The following ZNF420 variants were observed in gnomAD, a reference collection of about 807,000 sequenced individuals.
The protein encoded by ZNF420 is ATM and p53-associated KZNF protein.
A neutral mutation model predicts 44.7 loss-of-function variants in ZNF420; 31 were observed. The observed-to-expected ratio is 0.69, with a 90% confidence interval of 0.52 to 0.94. The LOEUF is 0.94. ZNF420 is among the 40% of genes least tolerant of loss of function. The pLI is 0.00. For synonymous variants in ZNF420, 245 were observed against 267.4 expected (o/e 0.92, Z 0.82); for missense variants, 681 against 827.9 (o/e 0.82, Z 2.18).
chr19:37,120,379 A>T (rs1348354609), intron 4 of ZNF420, among the ~76,000 whole-genome samples: 1 of 149,238 alleles, frequency 6.7e-6, no homozygotes, highest in African/African-American at 2.5e-5. Context: ...AAACCACATG[A>T]TTATCTCAAT....
Position 37,091,131 on chromosome 19 carries a change from C to A in ZNF420, c.136+10C>A. ...AACTTGGTATCACTAGGTAAGGAAT[C>A]TAGCCTTCATATTTCAGGATCTACC... On this transcript the variant is annotated intron_variant, in intron 4 of 4. Transcript: ENST00000337995. 6.4e-7 allele frequency: 1 copy of A among 1,558,170 alleles called. No individual in the cohort carries two copies.
upstream of ZNF420, among the ~76,000 whole-genome samples, chr19:37,077,694 A>G (rs1184111375): frequency 1.3e-5 from 2 of 152,172 alleles, no homozygotes; most frequent in Non-Finnish European, 2.9e-5. Context: ...CCTTACAGAC[A>G]CTGAAATACA....
At chr19:37,104,818 CTGTT>C (rs1001684444) in intron 4 of ZNF420, among the ~76,000 whole-genome samples, 82 of 152,256 alleles carry the variant, frequency 5.4e-4, no homozygotes, top group African/African-American at 1.9e-3. Context: ...TGAGAAGTGT[CTGTT>C]CATATCCTTT....
chr19:37,054,085 C>A (rs1967695983), intron 1 of ZNF420, among the ~76,000 whole-genome samples: 1 of 152,204 alleles, frequency 6.6e-6, no homozygotes, highest in Non-Finnish European at 1.5e-5. Context: ...AGCCTCGCCG[C>A]CCCCTTGCAG....
intron 1 of ZNF420, among the ~76,000 whole-genome samples, chr19:37,022,934 G>A (rs2074660537): frequency 6.6e-6 from 1 of 152,094 alleles, no homozygotes; most frequent in South Asian, 2.1e-4. Flanking sequence ...TCAGGCGTTC[G>A]AGACAAGCCT....
intron 1 of ZNF420, among the ~76,000 whole-genome samples, chr19:37,025,882 C>T (rs1424324571): frequency 6.9e-6 from 1 of 144,264 alleles, no homozygotes; most frequent in Non-Finnish European, 1.5e-5. Context: ...GCTCAGCAAT[C>T]CTCCTGCCTC....
At chr19:37,098,398 C>T (rs959467301) in intron 4 of ZNF420, among the ~76,000 whole-genome samples, 2 of 152,126 alleles carry the variant, frequency 1.3e-5, no homozygotes, top group African/African-American at 4.8e-5. Flanking sequence ...TTTAGGAGCA[C>T]AGACACTGAG....
Position 37,078,467 on chromosome 19 carries a change from G to A in ZNF420, c.-228G>A, listed in dbSNP as rs1315004333. 1 of 152,322 alleles carries A rather than the reference G, an allele frequency of 6.6e-6. No homozygotes were observed. Among genetic ancestry groups the A allele is most frequent in the African/African-American group, 2.4e-5 (1 of 41,470 alleles). 9.4% of individuals were successfully genotyped at this position (152,322 alleles called of 1,614,324 possible). ...AGGCCTCGCGTGGGGAGAGGGCCGCGTCTGTGGAGGAGCTTGGCTCCGCAC... is the reference window on the plus strand; with the variant it reads ...AGGCCTCGCGTGGGGAGAGGGCCGCATCTGTGGAGGAGCTTGGCTCCGCAC... On this transcript the variant is annotated 5_prime_UTR_variant, in exon 1 of 5. Transcript: ENST00000337995.
chr19:37,103,456 G>A (rs1054876538), intron 4 of ZNF420, among the ~76,000 whole-genome samples: 1 of 152,010 alleles, frequency 6.6e-6, no homozygotes, highest in South Asian at 2.1e-4. Flanking sequence ...ATGTCTGCTA[G>A]TTTTTGTTTA....
chr19:37,125,498 T>A (rs780155203), intron 4 of ZNF420, among the ~76,000 whole-genome samples: 2 of 152,198 alleles, frequency 1.3e-5, no homozygotes, highest in African/African-American at 2.4e-5. Context: ...CATGTACCAC[T>A]AGGGTGGTAT....
At chr19:37,105,235 G>A (rs558458761) in intron 4 of ZNF420, among the ~76,000 whole-genome samples, 2 of 152,280 alleles carry the variant, frequency 1.3e-5, no homozygotes, top group South Asian at 4.2e-4. Flanking sequence ...AGTTTTCCCA[G>A]CACCATTTAT....
rs537548673 is a variant in ZNF420, at chr19:37,101,289, G to C, written c.136+10168G>C. 1.5e-4 allele frequency among the ~76,000 whole-genome samples: 23 copies of C among 152,310 alleles called. No homozygotes were observed. In the South Asian group the frequency reaches 4.8e-3, roughly 32 times the overall value. ...GCGGGTGGATCACCTGAGGTCAGGA[G>C]TTCAAGACCAGCCTGACCAATATGG... On this transcript the variant is annotated intron_variant, in intron 4 of 4. Coordinates refer to ENST00000337995, the MANE Select transcript of ZNF420 (RefSeq NM_144689.5).
chr19:37,095,760 A>C (rs1295625954), intron 4 of ZNF420, among the ~76,000 whole-genome samples: 1 of 151,970 alleles, frequency 6.6e-6, no homozygotes, highest in Non-Finnish European at 1.5e-5. Flanking sequence ...AGCCAAGCCC[A>C]GCTTATTTTT....
chr19:37,050,256 G>A (rs1227629356), intron 1 of ZNF420, among the ~76,000 whole-genome samples: 2 of 152,148 alleles, frequency 1.3e-5, no homozygotes, highest in Non-Finnish European at 2.9e-5. Flanking sequence ...TGTGAAAAAA[G>A]TCATTGGTGG....
At chr19:37,029,593 G>A (rs1258081279) in intron 1 of ZNF420, among the ~76,000 whole-genome samples, 1 of 150,308 alleles carries the variant, frequency 6.7e-6, no homozygotes, top group East Asian at 2.0e-4. Context: ...TGTCACCCAG[G>A]CTGGAGTGCA....
At chr19:37,074,677 G>A (rs73625237), upstream of ZNF420, among the ~76,000 whole-genome samples, 1,398 of 152,136 alleles carry the variant, frequency 9.2e-3, 24 homozygotes, top group African/African-American at 0.032. Context: ...TCATGATATC[G>A]AGGTTATGCA....
intron 1 of ZNF420, among the ~76,000 whole-genome samples, chr19:37,047,358 A>G (rs1443643705): frequency 6.6e-6 from 1 of 152,182 alleles, no homozygotes; most frequent in Non-Finnish European, 1.5e-5. Flanking sequence ...TCCTTCTGCC[A>G]TGTGAGGACA....
At chr19:37,119,113 A>C (rs1339898805) in intron 4 of ZNF420, among the ~76,000 whole-genome samples, 1 of 152,178 alleles carries the variant, frequency 6.6e-6, no homozygotes, top group Non-Finnish European at 1.5e-5. Context: ...CTCTGCACCA[A>C]GCGGACCTAA....
chr19:37,114,626 C>G (rs112600214), intron 4 of ZNF420, among the ~76,000 whole-genome samples: 2,938 of 152,220 alleles, frequency 0.019, 79 homozygotes, highest in East Asian at 0.049. Flanking sequence ...TGATTATAGT[C>G]AACATTTTGC....
Sources: allele counts gnomAD v4.1 joint callset (sites outside exome capture counted in the v4.1 genomes callset), GRCh38; gene constraint gnomAD v4.1.1; transcripts MANE v1.5; gene names NCBI Gene and HGNC (gene_info 2026-07-23, HGNC 2026-07-21).